ICE1: variants seen among roughly 807,000 people sequenced by gnomAD.
The protein encoded by ICE1 is interactor of little elongation complex ELL subunit 1.
A neutral mutation model predicts 192.7 loss-of-function variants in ICE1; 64 were observed. That is an observed-to-expected ratio of 0.33 (90% CI 0.27 to 0.41). The LOEUF (loss-of-function observed/expected upper bound fraction) is 0.41, where lower values mean the gene tolerates loss of function less well. Ranked by LOEUF, ICE1 falls within the 10% of genes least tolerant of loss-of-function variation. ICE1 has a pLI of 1.00. For synonymous variants in ICE1, 1,010 were observed against 984.5 expected, an observed-to-expected ratio of 1.03 and a Z score of -0.49; for missense variants, 2,708 against 2,696.0, an observed-to-expected ratio of 1.00 and a Z score of -0.10.
chr5:5,486,497 G>T (rs568492491), intron 17 of ICE1, among the ~76,000 whole-genome samples: 1 of 152,152 alleles, frequency 6.6e-6, no homozygotes, highest in African/African-American at 2.4e-5. Flanking sequence ...CAGAAGTCAG[G>T]CGTTTCACAT....
chr5:5,473,564 C>G lies in ICE1; in HGVS notation c.6229C>G (p.Pro2077Ala). The change falls in exon 16 of 19, where the codon CCG (proline) becomes GCG (alanine). Residue 2077 changes from proline (P) to alanine (A), a missense_variant. Pro to Ala is a conservative substitution (Grantham distance 27). Coordinates refer to ENST00000296564, the MANE Select transcript of ICE1 (RefSeq NM_015325.3). ...RAFLNWEKNAPVDVGFMVSKL... is the reference protein window; with the variant it reads ...RAFLNWEKNAAVDVGFMVSKL... ...ATTTCTTTTCATTTGCTAGAATGCCCCGGTAGATGTTGGCTTCATGGTTTC... is the reference window on the plus strand; with the variant it reads ...ATTTCTTTTCATTTGCTAGAATGCCGCGGTAGATGTTGGCTTCATGGTTTC... The G allele has an allele frequency of 6.2e-7, 1 of 1,608,552 alleles. No individual in the cohort carries two copies. Among genetic ancestry groups the G allele is most frequent in the Non-Finnish European group, 8.5e-7 (1 of 1,178,584 alleles).
chr5:5,447,683 T>TA (rs1310809491), intron 8 of ICE1, 38 bp from the exon 9 acceptor site: 1 of 1,533,856 alleles, frequency 6.5e-7, no homozygotes, highest in Non-Finnish European at 8.9e-7. Context: ...CTGCACTTCT[T>TA]ATTCAGCATA....
chr5:5,449,893 A>C (rs1037749206), intron 10 of ICE1, among the ~76,000 whole-genome samples: 2 of 152,210 alleles, frequency 1.3e-5, no homozygotes, highest in African/African-American at 4.8e-5. Flanking sequence ...CCAGAAAACA[A>C]GATGTTTATA....
intron 1 of ICE1, among the ~76,000 whole-genome samples, chr5:5,428,881 C>T (rs1028188802): frequency 6.6e-6 from 1 of 152,216 alleles, no homozygotes. Context: ...CCTCAGCGAA[C>T]GTTTTACTAC....
At chr5:5,425,669 T>A (rs1319061630) in intron 1 of ICE1, among the ~76,000 whole-genome samples, 1 of 152,234 alleles carries the variant, frequency 6.6e-6, no homozygotes, top group East Asian at 1.9e-4. Context: ...TCATAAATTC[T>A]TGTACTTATT....
Position 5,437,093 on chromosome 5 carries a change from G to A in ICE1, c.157G>A (p.Glu53Lys). 5.9e-6 allele frequency: 9 copies of A among 1,530,358 alleles called. No homozygotes were observed. Among genetic ancestry groups the A allele is most frequent in the Non-Finnish European group, 8.0e-6 (9 of 1,122,556 alleles). 94.8% of individuals were successfully genotyped at this position (1,530,358 alleles called of 1,614,324 possible). Residue 53 changes from glutamate (E) to lysine (K), a missense_variant, in exon 3 of 19, where the codon GAA becomes AAA. Glu to Lys is a moderately conservative substitution (Grantham distance 56, BLOSUM62 1). Transcript: ENST00000296564. ...TCTTTTTTGCAGTAATTTGTTAACA[G>A]AATATCAGAAGAAATGTGATGATAT... ...KIINTDNLLT[E>K]YQKKCDELQF...
chr5:5,450,882 G>A (rs912978875), intron 10 of ICE1, among the ~76,000 whole-genome samples: 4 of 152,064 alleles, frequency 2.6e-5, no homozygotes, highest in African/African-American at 7.2e-5. Context: ...ATCTATTTTC[G>A]TCGTGAGAGA....
At chr5:5,423,033 G>T in intron 1 of ICE1, 34 bp downstream of exon 1, 1 of 1,313,894 alleles carries the variant, frequency 7.6e-7, no homozygotes, top group Non-Finnish European at 9.7e-7. Flanking sequence ...GGCGCGGGGG[G>T]GGACTCGGCT....
rs774574675 is a variant in ICE1, at chr5:5,464,105, A to G, written c.4771A>G (p.Lys1591Glu). 4.3e-6 allele frequency: 7 copies of G among 1,613,438 alleles called. No individual in the cohort carries two copies. The East Asian group carries it at 1.3e-4, about 31-fold the overall frequency. Residue 1591 changes from lysine (K) to glutamate (E), a missense_variant, in exon 13 of 19, where the codon AAA becomes GAA. By Grantham distance (56) the Lys-to-Glu change is moderately conservative (BLOSUM62 1). Coordinates refer to ENST00000296564, the MANE Select transcript of ICE1 (RefSeq NM_015325.3). This position sits in a 1 kb window ranked among gnomAD's most constrained non-coding sequence, Gnocchi z 4.0. Reference sequence around the variant, plus strand: ...AGTTGCTCAGTCATTTTCAGGGGAAAAAGCTAATACAAAAACTCAAAGAAG... The same window carrying G: ...AGTTGCTCAGTCATTTTCAGGGGAAGAAGCTAATACAAAAACTCAAAGAAG... Reference protein sequence around the residue: ...SEVAQSFSGEKANTKTQRSQT... With the variant: ...SEVAQSFSGEEANTKTQRSQT...
chr5:5,438,481 G>A (rs758020195), intron 3 of ICE1, among the ~76,000 whole-genome samples: 1 of 152,170 alleles, frequency 6.6e-6, no homozygotes, highest in Non-Finnish European at 1.5e-5. Flanking sequence ...TGCCTCATCT[G>A]TTAAAACCAT....
In ICE1 at chr5:5,465,169, G is replaced by A; in HGVS notation, c.5835G>A (p.Lys1945=). 1 of 1,605,036 alleles carries A rather than the reference G, an allele frequency of 6.2e-7. No homozygotes were observed. Among genetic ancestry groups the A allele is most frequent in the Non-Finnish European group, 8.5e-7 (1 of 1,175,198 alleles). Residue 1945 remains lysine (K), a synonymous_variant, in exon 13 of 19, where the codon AAG becomes AAA. Transcript: ENST00000296564. ...SHVYVGNISK[K]PVMRDQEKEV... is the part of the protein sequence containing the mutation. ...TGTATGTGGGAAATATCTCCAAAAA[G>A]CCCGTAATGAGAGATCAAGAGAAGG...
At chr5:5,432,446 T>G (rs1205708768) in intron 1 of ICE1, among the ~76,000 whole-genome samples, 2 of 152,240 alleles carry the variant, frequency 1.3e-5, no homozygotes, top group Non-Finnish European at 2.9e-5. Context: ...ACATTTAATT[T>G]ATGTTCACTT....
chr5:5,489,056 TG>T, intron 18 of ICE1, 92 bp from the exon 19 acceptor site: 1 of 1,020,880 alleles, frequency 9.8e-7, no homozygotes. Context: ...GAAAGCATTC[TG>T]TATTTGAATA....
chr5:5,474,073 G>T (rs1043820046), intron 16 of ICE1, among the ~76,000 whole-genome samples: 6 of 152,116 alleles, frequency 3.9e-5, no homozygotes, highest in Admixed American at 2.0e-4. Flanking sequence ...AGCTGGGCGT[G>T]GTGGTGGGCG....
Position 5,461,330 on chromosome 5 carries a change from A to G in ICE1, c.1996A>G (p.Thr666Ala), listed in dbSNP as rs747728463. The G allele has an allele frequency of 1.9e-6, 3 of 1,613,924 alleles. No homozygotes were observed. Among genetic ancestry groups the G allele is most frequent in the Admixed American group, 3.3e-5 (2 of 60,028 alleles). ...AGATATTACTACTAAAGTATTCTCT[A>G]CTGAACCGCATCATTCAGAACATAA... ...DTDITTKVFS[T>A]EPHHSEHKLQ... Residue 666 changes from threonine to alanine, a missense_variant, in exon 13 of 19, where the codon ACT (threonine) becomes GCT (alanine). Around this residue, in one of 2 missense-constraint regions of ICE1, gnomAD observed 2,366 missense variants for 2,276.6 expected, o/e 1.04. Coordinates refer to ENST00000296564, the MANE Select transcript of ICE1 (RefSeq NM_015325.3).
intron 12 of ICE1, among the ~76,000 whole-genome samples, chr5:5,458,057 A>G (rs1225602996): frequency 6.6e-5 from 10 of 152,230 alleles, no homozygotes; most frequent in Non-Finnish European, 1.5e-4. Context: ...AATTAAACAC[A>G]TATTTGTATA....
chr5:5,429,569 C>G (rs148308688), intron 1 of ICE1, among the ~76,000 whole-genome samples: 1 of 152,222 alleles, frequency 6.6e-6, no homozygotes, highest in African/African-American at 2.4e-5. Flanking sequence ...TCTTCTCTTA[C>G]ATATTTACTG....
In ICE1 at chr5:5,461,284, G is replaced by T. The variant is rs757558118; in HGVS notation, c.1950G>T (p.Gly650=). ...GCAGTAATCCCCAGTCTTCTTCTGG[G>T]TTAGACTGTGGTAATGATACAGATA... The part of the protein sequence containing the change: ...SVGSNPQSSS[G]LDCGNDTDIT... The change falls in exon 13 of 19, where the codon GGG becomes GGT. Residue 650 remains glycine, a synonymous_variant. Coordinates refer to ENST00000296564, the MANE Select transcript of ICE1 (RefSeq NM_015325.3). 3.1e-6 allele frequency: 5 copies of T among 1,613,794 alleles called. No homozygotes were observed. The South Asian group carries it at 4.4e-5, about 14-fold the overall frequency.
intron 17 of ICE1, 58 bp downstream of exon 17, chr5:5,476,137 T>TGG (rs11416699): frequency 4.9e-5 from 41 of 841,776 alleles, no homozygotes; most frequent in Non-Finnish European, 6.5e-5. Flanking sequence ...GGTGGAAGGC[T>TGG]GGGGGGTTAA....
Sources: allele counts gnomAD v4.1 joint callset (sites outside exome capture counted in the v4.1 genomes callset), GRCh38; gene constraint gnomAD v4.1.1; regional missense constraint gnomAD v4.1.1; non-coding constraint Gnocchi (gnomAD v3.1); transcripts MANE v1.5; gene names NCBI Gene and HGNC (gene_info 2026-07-23, HGNC 2026-07-21).